Variants in OTUD5 observed in about 807,000 individuals in gnomAD.
OTUD5 encodes the protein OTU deubiquitinase 5.
Under a neutral mutation model 36.3 loss-of-function variants are expected in OTUD5, and 2 were observed. That is an observed-to-expected ratio of 0.06 (90% confidence interval 0.02 to 0.17). The LOEUF is 0.17. Ranked by LOEUF, OTUD5 falls within the 10% of genes least tolerant of loss-of-function variation. OTUD5 has a pLI of 1.00. For missense variants in OTUD5, 233 were observed against 512.3 expected (o/e 0.45, Z 5.26); for synonymous variants, 234 against 214.9 (o/e 1.09, Z -0.78).
intron 2 of OTUD5, among the ~76,000 whole-genome samples, chrX:48,942,046 G>T (rs782625313): frequency 2.7e-5 from 3 of 110,436 alleles, no homozygotes; most frequent in African/African-American, 9.9e-5. Flanking sequence ...CTTCCTGTAA[G>T]TAGAGGCCCC....
At chrX:48,936,928 T>C (rs1557050088) in intron 2 of OTUD5, among the ~76,000 whole-genome samples, 3 of 111,803 alleles carry the variant, frequency 2.7e-5, no homozygotes, top group African/African-American at 9.8e-5. Flanking sequence ...AGTTCTTCCC[T>C]GTCAGTCTAC....
At chrX:48,957,974 C>T, upstream of OTUD5, 2 of 251,768 alleles carry the variant, frequency 7.9e-6, no homozygotes, top group Non-Finnish European at 1.1e-5. Flanking sequence ...GCGCTGCGCA[C>T]GCGCGCCAGG....
At chrX:48,950,868 T>C (rs2064128622) in intron 1 of OTUD5, among the ~76,000 whole-genome samples, 1 of 110,710 alleles carries the variant, frequency 9.0e-6, no homozygotes, top group Non-Finnish European at 1.9e-5. Flanking sequence ...GGCCAACTTC[T>C]GTTGTTTTAA....
Position 48,925,833 on chromosome X carries a change from A to G in OTUD5, c.1263+14T>C. ...GAGTTTTTGGCCAAGCCTGTGACAG[A>G]GTCCATGACCCACCTGGCTGGGGCC... On this transcript the variant is annotated intron_variant, in intron 6 of 8. Coordinates refer to ENST00000376488, the MANE Select transcript of OTUD5 (RefSeq NM_001136157.2). The G allele has an allele frequency of 8.4e-7, 1 of 1,191,864 alleles. No individual in the cohort carries two copies. The highest frequency in any genetic ancestry group is 3.0e-5 in the East Asian group (1 of 33,586).
intron 1 of OTUD5, among the ~76,000 whole-genome samples, chrX:48,947,039 A>C (rs2064041238): frequency 8.9e-6 from 1 of 112,218 alleles, no homozygotes; most frequent in Non-Finnish European, 1.9e-5. Context: ...GGTAACCACC[A>C]CAAGGTATGA....
chrX:48,933,520 A>G (rs2063788204), intron 5 of OTUD5, among the ~76,000 whole-genome samples: 1 of 108,172 alleles, frequency 9.2e-6, no homozygotes, highest in Non-Finnish European at 1.9e-5. Flanking sequence ...GTTTCAAGTG[A>G]TTCTCCTGCC....
Position 48,957,556 on chromosome X carries a change from G to A in OTUD5, c.15C>T (p.Pro5=). 5.0e-6 allele frequency: 4 copies of A among 803,022 alleles called. No individual in the cohort carries two copies. Among genetic ancestry groups the A allele is most frequent in the Non-Finnish European group, 4.5e-6 (3 of 662,886 alleles). The allele number at this position is 803,022 out of a possible 1,213,427, so 66.2% of individuals were successfully genotyped here. A position where few individuals can be genotyped will look rare whatever the true frequency, so the allele number is the denominator to read the frequency against. Residue 5 remains proline (P), a synonymous_variant, in exon 1 of 9, where the codon CCC becomes CCT. Coordinates refer to ENST00000376488, the MANE Select transcript of OTUD5 (RefSeq NM_001136157.2). ...CGTCGGGAGGCGGCGGCTTCTTTTT[G>A]GGGAGTATAGTCATGGCTGCACTGC... MTIL[P]KKKPPPPDAD...
Position 48,957,124 on chromosome X carries a change from G to A in OTUD5, c.447C>T (p.Ser149=), listed in dbSNP as rs2064259369. The change falls in exon 1 of 9, where the codon AGC becomes AGT. Residue 149 remains serine, a synonymous_variant. Coordinates refer to ENST00000376488, the MANE Select transcript of OTUD5 (RefSeq NM_001136157.2). ...VGGCCSGPGH[S]KRRRQAPGVG... ...CCCCGGGAGCTTGACGTCGCCGCTT[G>A]CTGTGCCCAGGCCCGGAGCAGCAGC... The A allele has an allele frequency of 8.5e-7, 1 of 1,170,174 alleles. No homozygotes were observed.
At chrX:48,934,901 G>A (rs782148941) in intron 3 of OTUD5, 34 bp from the exon 4 acceptor site, 2 of 1,203,217 alleles carry the variant, frequency 1.7e-6, no homozygotes, top group East Asian at 3.0e-5. Context: ...AGGTCTGTGT[G>A]GAGAAGAAAT....
intron 1 of OTUD5, among the ~76,000 whole-genome samples, chrX:48,953,636 C>T (rs1370629370): frequency 9.0e-6 from 1 of 111,113 alleles, no homozygotes; most frequent in South Asian, 3.8e-4. Flanking sequence ...AGTTCACATG[C>T]CCCTTCTCAA....
At chrX:48,930,483 T>A (rs1166538795) in intron 5 of OTUD5, among the ~76,000 whole-genome samples, 1 of 112,077 alleles carries the variant, frequency 8.9e-6, no homozygotes, top group Non-Finnish European at 1.9e-5. Flanking sequence ...TAAATACAGA[T>A]GGTTACAGGT....
At chrX:48,949,406 G>GGT (rs2064091186) in intron 1 of OTUD5, among the ~76,000 whole-genome samples, 1 of 111,928 alleles carries the variant, frequency 8.9e-6, no homozygotes, top group Admixed American at 9.5e-5. Flanking sequence ...GGCCAGGTAC[G>GGT]GTGATTCACG....
intron 5 of OTUD5, 62 bp downstream of exon 5, chrX:48,934,402 C>A (rs2063801393): frequency 9.5e-7 from 1 of 1,055,305 alleles, no homozygotes; most frequent in Non-Finnish European, 1.3e-6. Flanking sequence ...GCAAAACAGA[C>A]TCCAACAGAG....
At chrX:48,931,001 T>A (rs781892667) in intron 5 of OTUD5, among the ~76,000 whole-genome samples, 2 of 110,571 alleles carry the variant, frequency 1.8e-5, no homozygotes, top group South Asian at 3.8e-4. Flanking sequence ...ACGTAATAAC[T>A]GGAAAAATTA....
intron 2 of OTUD5, chrX:48,936,437 A>G (rs1393245460): frequency 1.8e-5 from 2 of 111,494 alleles, no homozygotes; most frequent in African/African-American, 3.3e-5. Context: ...GCTGGAGTGC[A>G]GTGGCGCGAT....
At chrX:48,945,247 A>G (rs2064003248) in intron 1 of OTUD5, among the ~76,000 whole-genome samples, 1 of 108,243 alleles carries the variant, frequency 9.2e-6, no homozygotes, top group Non-Finnish European at 1.9e-5. Flanking sequence ...CTAAACCCAA[A>G]AAGCTTTGAA....
At chrX:48,936,543 G>A (rs2063832787) in intron 2 of OTUD5, among the ~76,000 whole-genome samples, 1 of 110,644 alleles carries the variant, frequency 9.0e-6, no homozygotes, top group Non-Finnish European at 1.9e-5. Context: ...CACCGCGCCT[G>A]GCCCAACATG....
At chrX:48,944,444 G>A (rs1210429568) in intron 1 of OTUD5, among the ~76,000 whole-genome samples, 161 bp from the exon 2 acceptor site, 1 of 111,535 alleles carries the variant, frequency 9.0e-6, no homozygotes, top group Non-Finnish European at 1.9e-5. Context: ...TGAAGTAGGA[G>A]ACTCTTTTAG....
chrX:48,938,957 G>T (rs782063839), intron 2 of OTUD5, among the ~76,000 whole-genome samples: 9 of 111,601 alleles, frequency 8.1e-5, no homozygotes, highest in Non-Finnish European at 1.5e-4. Flanking sequence ...GAGGCCAGCT[G>T]GAAGGGGGTC....
Sources: gnomAD v4.1 joint callset for allele counts (sites outside exome capture counted in the v4.1 genomes callset) on GRCh38, gnomAD v4.1.1 for gene constraint, MANE v1.5 for transcripts, NCBI Gene and HGNC (gene_info 2026-07-23, HGNC 2026-07-21) for gene names.